RBFOX1: variants seen among roughly 807,000 people sequenced by gnomAD.
RBFOX1 encodes the protein RNA binding fox-1 homolog 1.
Under a neutral mutation model 57.7 loss-of-function variants are expected in RBFOX1, and 8 were observed. The ratio of observed to expected loss-of-function variants is 0.14; its 90% CI spans 0.08 to 0.25. The LOEUF is 0.25. Among genes scored for constraint, RBFOX1 ranks in the 10% least tolerant of loss-of-function variants. RBFOX1 has a pLI of 1.00. For missense variants in RBFOX1, 611 were observed against 548.5 expected (o/e 1.11, Z -1.14); for synonymous variants, 326 against 222.4 (o/e 1.47, Z -4.15).
intron 1 of RBFOX1, among the ~76,000 whole-genome samples, chr16:6,052,812 T>TAAC (rs1242176995): frequency 2.0e-5 from 3 of 147,276 alleles, no homozygotes; most frequent in Non-Finnish European, 4.5e-5. Context: ...AATATAATAA[T>TAAC]AATAATAATA....
At chr16:5,682,481 C>G (rs55655050) in intron 3 of RBFOX1, among the ~76,000 whole-genome samples, 3,947 of 152,308 alleles carry the variant, frequency 0.026, 170 homozygotes, top group African/African-American at 0.088. Flanking sequence ...GTCTAGGTTT[C>G]TAAGCCATGT....
intron 1 of RBFOX1, among the ~76,000 whole-genome samples, chr16:6,161,000 C>G (rs574673653): frequency 6.6e-6 from 1 of 152,358 alleles, no homozygotes. Context: ...CAATGGAATG[C>G]GAGCTCCATG....
intron 3 of RBFOX1, among the ~76,000 whole-genome samples, chr16:6,699,314 T>G (rs1025938010): frequency 6.7e-6 from 1 of 148,154 alleles, no homozygotes; most frequent in African/African-American, 2.5e-5. Flanking sequence ...TTTTTTTTTT[T>G]TAAAGTGACT....
intron 1 of RBFOX1, among the ~76,000 whole-genome samples, chr16:6,113,216 C>G (rs1450477819): frequency 6.6e-6 from 1 of 152,170 alleles, no homozygotes; most frequent in Admixed American, 6.5e-5. Flanking sequence ...ACATTTTCTT[C>G]TCTTGGTGAA....
chr16:5,910,230 T>C (rs961707980), intron 4 of RBFOX1, among the ~76,000 whole-genome samples: 15 of 152,040 alleles, frequency 9.9e-5, no homozygotes, highest in African/African-American at 3.6e-4. Context: ...CTAAAGTGGG[T>C]AGAGACCTCT....
At chr16:7,265,250 A>G (rs2095082905) in intron 4 of RBFOX1, among the ~76,000 whole-genome samples, 1 of 151,394 alleles carries the variant, frequency 6.6e-6, no homozygotes, top group South Asian at 2.1e-4. Flanking sequence ...ACTGGAAGTG[A>G]GATCAGGGTA....
At chr16:7,025,198 A>T (rs1290614352) in intron 3 of RBFOX1, among the ~76,000 whole-genome samples, 2 of 152,172 alleles carry the variant, frequency 1.3e-5, no homozygotes, top group East Asian at 3.9e-4. Context: ...TGATATGCTA[A>T]ACAAGGGGTG....
At chr16:6,599,285 C>G (rs2097818666) in intron 2 of RBFOX1, among the ~76,000 whole-genome samples, 1 of 152,072 alleles carries the variant, frequency 6.6e-6, no homozygotes, top group Non-Finnish European at 1.5e-5. Flanking sequence ...AAAGCAAAAC[C>G]ACATCTCTGA....
intron 4 of RBFOX1, among the ~76,000 whole-genome samples, chr16:7,183,668 A>T (rs1029489733): frequency 2.6e-5 from 4 of 152,172 alleles, no homozygotes; most frequent in African/African-American, 9.7e-5. Flanking sequence ...ACAGAACCAG[A>T]TGATATCTTC....
chr16:6,225,900 A>G (rs1385020652), intron 1 of RBFOX1, among the ~76,000 whole-genome samples: 1 of 152,210 alleles, frequency 6.6e-6, no homozygotes, highest in African/African-American at 2.4e-5. Context: ...GAAACACTGA[A>G]GCCGTGCTTT....
At chr16:5,919,202 C>T (rs976737221) in intron 4 of RBFOX1, among the ~76,000 whole-genome samples, 2 of 152,158 alleles carry the variant, frequency 1.3e-5, no homozygotes, top group African/African-American at 4.8e-5. Flanking sequence ...TCAGGCTGAC[C>T]ATATATCCCT....
At chr16:6,680,240 A>G (rs1221086555) in intron 3 of RBFOX1, among the ~76,000 whole-genome samples, 3 of 148,344 alleles carry the variant, frequency 2.0e-5, no homozygotes, top group Non-Finnish European at 3.0e-5. Context: ...TACTATGAGT[A>G]TGATTCCTGT....
chr16:7,488,209 G>A (rs184783771), intron 4 of RBFOX1, among the ~76,000 whole-genome samples: 2 of 152,286 alleles, frequency 1.3e-5, no homozygotes, highest in Admixed American at 6.5e-5. Flanking sequence ...ATCCCTGCAG[G>A]AGGGGCTTCA....
At chr16:6,284,646 G>A (rs2076717225) in intron 1 of RBFOX1, among the ~76,000 whole-genome samples, 1 of 152,150 alleles carries the variant, frequency 6.6e-6, no homozygotes, top group African/African-American at 2.4e-5. Context: ...ACAGAAAGTG[G>A]AGAGGTCCTT....
intron 5 of RBFOX1, among the ~76,000 whole-genome samples, chr16:7,539,393 C>T (rs1045430327): frequency 1.3e-5 from 2 of 152,104 alleles, no homozygotes; most frequent in Non-Finnish European, 2.9e-5. Flanking sequence ...TCTCTATTCC[C>T]AGTGCAGCTT....
At chr16:7,042,103 T>C (rs941134242) in intron 3 of RBFOX1, among the ~76,000 whole-genome samples, 4 of 152,184 alleles carry the variant, frequency 2.6e-5, no homozygotes, top group African/African-American at 9.6e-5. Context: ...TTGGTGGAAA[T>C]TATACTGGTT....
intron 1 of RBFOX1, among the ~76,000 whole-genome samples, chr16:6,205,061 A>T (rs1388750730): frequency 6.6e-6 from 1 of 152,198 alleles, no homozygotes; most frequent in African/African-American, 2.4e-5. Flanking sequence ...AAGAAGTAGG[A>T]CACTAGATTC....
chr16:5,819,052 G>T (rs2055750781), intron 3 of RBFOX1, among the ~76,000 whole-genome samples: 1 of 151,918 alleles, frequency 6.6e-6, no homozygotes, highest in Non-Finnish European at 1.5e-5. Context: ...CCATCCACAG[G>T]TCTGTTCTCC....
chr16:6,682,731 A>G, intron 3 of RBFOX1, among the ~76,000 whole-genome samples: 1 of 152,228 alleles, frequency 6.6e-6, no homozygotes, highest in South Asian at 2.1e-4. Flanking sequence ...TCATGGTGTG[A>G]GACGATGTTA....
Sources: allele counts gnomAD v4.1 joint callset (sites outside exome capture counted in the v4.1 genomes callset), GRCh38; gene constraint gnomAD v4.1.1; transcripts MANE v1.5; gene names NCBI Gene and HGNC (gene_info 2026-07-23, HGNC 2026-07-21).